The following INVS variants were observed in gnomAD, a reference collection of about 807,000 sequenced individuals.
INVS encodes the protein inversin, also known as inversion of embryo turning homolog.
Under a neutral mutation model 108.8 loss-of-function variants are expected in INVS, and 86 were observed. That is an observed-to-expected ratio of 0.79 (90% CI 0.66 to 0.95). The LOEUF (loss-of-function observed/expected upper bound fraction) is 0.95, where lower values mean the gene tolerates loss of function less well. INVS is among the 40% of genes least tolerant of loss of function. The probability of loss-of-function intolerance (pLI) is 0.00; values close to 1 mark genes in which losing one functional copy is unlikely to be tolerated. For missense variants in INVS, 1,169 were observed against 1,297.4 expected (o/e 0.90, Z 1.52); for synonymous variants, 455 against 473.5 (o/e 0.96, Z 0.51).
intron 2 of INVS, among the ~76,000 whole-genome samples, chr9:100,124,820 A>AT (rs1827835569): frequency 6.6e-6 from 1 of 152,224 alleles, no homozygotes; most frequent in Non-Finnish European, 1.5e-5. Flanking sequence ...TTTGGATTAT[A>AT]TCTTTGACAT....
intron 3 of INVS, among the ~76,000 whole-genome samples, chr9:100,162,953 A>G (rs1359707271): frequency 2.0e-5 from 3 of 152,192 alleles, no homozygotes; most frequent in African/African-American, 7.2e-5. Flanking sequence ...GAGGATGGGC[A>G]TATATATTAG....
intron 3 of INVS, among the ~76,000 whole-genome samples, chr9:100,225,576 C>G (rs1831290225): frequency 6.6e-6 from 1 of 152,126 alleles, no homozygotes; most frequent in Non-Finnish European, 1.5e-5. Flanking sequence ...TCAAAATGTG[C>G]TGAAACTAAT....
chr9:100,168,463 T>C (rs1287213023), intron 3 of INVS, among the ~76,000 whole-genome samples: 1 of 152,198 alleles, frequency 6.6e-6, no homozygotes, highest in Non-Finnish European at 1.5e-5. Flanking sequence ...CTGTCTAATT[T>C]GGTAGGTTTG....
At chr9:100,185,578 A>C (rs1044503958) in intron 3 of INVS, among the ~76,000 whole-genome samples, 1 of 137,336 alleles carries the variant, frequency 7.3e-6, no homozygotes, top group Non-Finnish European at 1.5e-5. Flanking sequence ...TAGCTTTTAT[A>C]GTGCAAGTGG....
rs368459476 is a variant in INVS, at chr9:100,246,805, C to T, written c.1078+18C>T. On this transcript the variant is annotated intron_variant, in intron 8 of 16. Transcript: ENST00000262457. ...AGGTACAGGTGAGAACTGGTGGACA[C>T]ATTCAATTTGCTTTCATTTAGGTTC... is the stretch of plus-strand genomic sequence containing the variant. The T allele has an allele frequency of 8.1e-5, 131 of 1,610,102 alleles. No individual in the cohort carries two copies. The highest frequency in any genetic ancestry group is 1.1e-4 in the Non-Finnish European group (124 of 1,176,430).
At position 100,226,037 on chromosome 9, in the gene INVS, TTATCA is replaced by T; in HGVS notation, c.274-23_274-19del. ...TTTGACCCCATAGTACATTTTTTTC[TTATCA>T]TCTCTTGTTTTTTATTTAGGGAAAT... On this transcript the variant is annotated intron_variant, in intron 3 of 16. Transcript: ENST00000262457. 6.4e-7 allele frequency: 1 copy of T among 1,574,696 alleles called. No homozygotes were observed. Among genetic ancestry groups the T allele is most frequent in the South Asian group, 1.1e-5 (1 of 87,694 alleles).
intron 3 of INVS, among the ~76,000 whole-genome samples, chr9:100,140,647 G>T (rs1388941493): frequency 6.6e-6 from 1 of 152,098 alleles, no homozygotes; most frequent in Non-Finnish European, 1.5e-5. Flanking sequence ...GAAGTGTTGG[G>T]ACAGCGAAAA....
intron 3 of INVS, chr9:100,176,035 C>T (rs1202090040): frequency 1.9e-6 from 1 of 525,858 alleles, no homozygotes; most frequent in Non-Finnish European, 3.7e-6. Context: ...ATTCCAAGAA[C>T]ATGCAGCCTG....
intron 3 of INVS, among the ~76,000 whole-genome samples, chr9:100,206,009 C>CT (rs1220051433): frequency 2.0e-5 from 3 of 152,030 alleles, no homozygotes; most frequent in African/African-American, 4.8e-5. Flanking sequence ...TATTTAGTGA[C>CT]TTTTTTTCTA....
At chr9:100,246,473 A>T (rs1296072411) in intron 7 of INVS, 143 bp from the exon 8 acceptor site, 1 of 644,828 alleles carries the variant, frequency 1.6e-6, no homozygotes, top group African/African-American at 1.8e-5. Context: ...TTCTGTCATT[A>T]ATAAAAAGAT....
chr9:100,260,863 T>C (rs1374999644), intron 10 of INVS, among the ~76,000 whole-genome samples: 1 of 152,182 alleles, frequency 6.6e-6, no homozygotes, highest in Non-Finnish European at 1.5e-5. Context: ...TCTTTGTGCA[T>C]TTAACTTTTT....
At chr9:100,285,083 G>C (rs1188459256) in intron 13 of INVS, among the ~76,000 whole-genome samples, 1 of 152,234 alleles carries the variant, frequency 6.6e-6, no homozygotes, top group East Asian at 1.9e-4. Flanking sequence ...TGTATGAAGA[G>C]CTTTCTATGG....
At chr9:100,162,644 G>A (rs937581687) in intron 3 of INVS, among the ~76,000 whole-genome samples, 1 of 152,052 alleles carries the variant, frequency 6.6e-6, no homozygotes, top group African/African-American at 2.4e-5. Context: ...CCTATCCCTT[G>A]GCAAGGAAAA....
chr9:100,235,236 C>T (rs754681370), intron 5 of INVS, among the ~76,000 whole-genome samples: 5 of 151,722 alleles, frequency 3.3e-5, no homozygotes, highest in African/African-American at 7.3e-5. Context: ...TTCCTCCATC[C>T]GTTTATTTTG....
intron 3 of INVS, among the ~76,000 whole-genome samples, chr9:100,151,230 C>T (rs1190704213): frequency 1.8e-4 from 27 of 152,276 alleles, no homozygotes; most frequent in Admixed American, 1.8e-3. Flanking sequence ...AATCCCAGCA[C>T]TTTGGGAGAC....
At chr9:100,181,078 C>G (rs1223505573) in intron 3 of INVS, among the ~76,000 whole-genome samples, 1 of 152,028 alleles carries the variant, frequency 6.6e-6, no homozygotes, top group South Asian at 2.1e-4. Context: ...AAATTCAACA[C>G]CCCTTCATGC....
rs1831444880 is a variant in INVS, at chr9:100,229,664, C to T, written c.452C>T (p.Thr151Ile). 2 of 1,613,940 alleles carry T rather than the reference C, an allele frequency of 1.2e-6. No homozygotes were observed. The highest frequency in any genetic ancestry group is 1.7e-6 in the Non-Finnish European group (2 of 1,179,880). Residue 151 changes from threonine to isoleucine, a missense_variant, in exon 5 of 17, where the codon ACA becomes ATA. By Grantham distance (89) the Thr-to-Ile change is moderately conservative (BLOSUM62 -1). This residue lies in a region of INVS where 365 missense variants were observed against 397.5 expected (regional missense o/e 0.92). Coordinates refer to ENST00000262457, the MANE Select transcript of INVS (RefSeq NM_014425.5). ...EVDTQDKNKQ[T>I]ALHWSAYYNN... ...GAGAACCTCTCGATTTTGCAGCAAA[C>T]AGCTCTGCATTGGAGTGCCTACTAC...
rs560863208 is a variant in INVS at position 100,121,243 on chromosome 9, A to C, written c.107-5140A>C. Among the ~76,000 whole-genome samples the C allele has an allele frequency of 2.6e-5, 4 of 152,314 alleles. No individual in the cohort carries two copies. The South Asian group carries it at 8.3e-4, about 32-fold the overall frequency. On this transcript the variant is annotated intron_variant, in intron 2 of 16. Coordinates refer to ENST00000262457, the MANE Select transcript of INVS (RefSeq NM_014425.5). ...ATCTCTCTTGATTAACTTGAAGTTA[A>C]ATGATTAAGAGACTTAATTACATTT...
intron 3 of INVS, among the ~76,000 whole-genome samples, chr9:100,225,126 C>T (rs1424435453): frequency 1.3e-5 from 2 of 150,794 alleles, no homozygotes; most frequent in Non-Finnish European, 3.0e-5. Flanking sequence ...GGCACGATCT[C>T]GGCTCACTGC....
Sources: gnomAD v4.1 joint callset for allele counts (sites outside exome capture counted in the v4.1 genomes callset) on GRCh38, gnomAD v4.1.1 for gene constraint, gnomAD v4.1.1 regional missense constraint, MANE v1.5 for transcripts, NCBI Gene and HGNC (gene_info 2026-07-23, HGNC 2026-07-21) for gene names.